The following SNX19 variants were observed in gnomAD, a reference collection of about 807,000 sequenced individuals.
The protein encoded by SNX19 is sorting nexin-19.
SNX19 carries 60 observed loss-of-function variants against 85.2 expected under a neutral mutation model. The observed-to-expected ratio is 0.70, with a 90% CI of 0.57 to 0.87. SNX19 has a LOEUF of 0.87. SNX19 is among the 40% of genes least tolerant of loss of function. The pLI is 0.00. For synonymous variants in SNX19, 520 were observed against 470.0 expected (o/e 1.11, Z -1.38); for missense variants, 1,201 against 1,217.8 (o/e 0.99, Z 0.21).
At chr11:130,891,997 T>A (rs1265592295) in intron 8 of SNX19, among the ~76,000 whole-genome samples, 2 of 151,776 alleles carry the variant, frequency 1.3e-5, no homozygotes, top group East Asian at 3.9e-4. Flanking sequence ...TGCGCCACGA[T>A]GCCCGGCAAA....
At position 130,910,095 on chromosome 11, in the gene SNX19, G is replaced by A; in HGVS notation, c.1957C>T (p.Gln653Ter). ...IPEIANSEEV[Q>*]EFLALNTDAR... ...TCTGTGTTCAGAGCAAGGAACTCCT[G>A]CACCTCCTCACTGTTAGCGATCTCC... The change falls in exon 4 of 11, where the codon CAG (glutamine) becomes TAG (stop). Residue 653 changes from glutamine to a stop codon, truncating the protein, a stop_gained. Coordinates refer to ENST00000265909, the MANE Select transcript of SNX19 (RefSeq NM_014758.3). LOFTEE classifies it high-confidence loss of function. The A allele has an allele frequency of 3.1e-6, 5 of 1,614,108 alleles. No individual in the cohort carries two copies. The highest frequency in any genetic ancestry group is 4.2e-6 in the Non-Finnish European group (5 of 1,180,006).
In SNX19 at chr11:130,872,938, G is replaced by C. The variant is rs969918519; in HGVS notation, c.*5484C>G. Among the ~76,000 whole-genome samples the C allele has an allele frequency of 6.6e-6, 1 of 152,178 alleles. No homozygotes were observed. Among genetic ancestry groups the C allele is most frequent in the Non-Finnish European group, 1.5e-5 (1 of 68,016 alleles). On this transcript the variant is annotated 3_prime_UTR_variant, in exon 11 of 11. Coordinates refer to ENST00000265909, the MANE Select transcript of SNX19 (RefSeq NM_014758.3). ...GAGGGGGCTGTGGGAGGTACGGCTT[G>C]CCAGGACAACTTGGCTGAATGGGTT...
chr11:130,905,638 G>A, intron 7 of SNX19: 2 of 1,459,786 alleles, frequency 1.4e-6, no homozygotes, highest in Non-Finnish European at 1.8e-6. Context: ...AAGTTTCTAA[G>A]AAATGCAAGA....
At position 130,873,435 on chromosome 11, in the gene SNX19, T is replaced by G. The variant is rs145703219; in HGVS notation, c.*4987A>C. On this transcript the variant is annotated 3_prime_UTR_variant, in exon 11 of 11. Coordinates refer to ENST00000265909, the MANE Select transcript of SNX19 (RefSeq NM_014758.3). ...AGTGAGAACCTGATCTTGTTCTGCT[T>G]TGTAAGGTAGAAGGGCAGTTTAGTA... Among the ~76,000 whole-genome samples, 782 of 152,276 alleles carry G rather than the reference T, an allele frequency of 5.1e-3. 3 individuals carry two copies. Among genetic ancestry groups the G allele is most frequent in the Middle Eastern group, 0.014 (4 of 294 alleles).
chr11:130,891,605 T>TTGA (rs771273112), intron 8 of SNX19, among the ~76,000 whole-genome samples: 15 of 152,236 alleles, frequency 9.9e-5, no homozygotes, highest in Non-Finnish European at 2.1e-4. Flanking sequence ...CAGCATTGAA[T>TTGA]TGATTCCAAC....
intron 8 of SNX19, chr11:130,893,764 C>T (rs1944670055): frequency 2.8e-6 from 2 of 701,774 alleles, no homozygotes; most frequent in Admixed American, 4.0e-5. Context: ...AGGAACTTAC[C>T]TTGATGCTGC....
chr11:130,895,927 C>T (rs1944847757), intron 8 of SNX19, among the ~76,000 whole-genome samples: 1 of 152,214 alleles, frequency 6.6e-6, no homozygotes, highest in Admixed American at 6.5e-5. Flanking sequence ...TAGGGCCCAT[C>T]CTGGCCCAGT....
chr11:130,891,107 G>A (rs1260807312), intron 8 of SNX19, among the ~76,000 whole-genome samples: 1 of 152,054 alleles, frequency 6.6e-6, no homozygotes, highest in East Asian at 1.9e-4. Context: ...GCTTACAGAG[G>A]AAGACAATTA....
At chr11:130,887,141 C>G (rs1371813419) in intron 8 of SNX19, among the ~76,000 whole-genome samples, 1 of 152,168 alleles carries the variant, frequency 6.6e-6, no homozygotes, top group Admixed American at 6.5e-5. Flanking sequence ...CTCCTAAATA[C>G]CACAATATAA....
rs1158610159 is a variant in SNX19 at position 130,875,806 on chromosome 11, C to G, written c.*2616G>C. On this transcript the variant is annotated 3_prime_UTR_variant, in exon 11 of 11. Transcript: ENST00000265909. The stretch of plus-strand genomic sequence containing the variant: ...CATGTATACATATGCAACAAACCTG[C>G]ATGTTGTGCACATGTTCCCTAGAAC... 2.6e-5 allele frequency: 4 copies of G among 152,048 alleles called. No homozygotes were observed. The highest frequency in any genetic ancestry group is 5.9e-5 in the Non-Finnish European group (4 of 68,004). The allele number at this position is 152,048 out of a possible 1,614,324, so 9.4% of individuals were successfully genotyped here.
intron 8 of SNX19, chr11:130,893,078 C>T (rs1385505239): frequency 1.3e-5 from 2 of 152,170 alleles, no homozygotes; most frequent in African/African-American, 2.4e-5. Flanking sequence ...TCTTGACGAC[C>T]AGAGTCCCTA....
rs533528199 is a variant in SNX19, at chr11:130,870,233, T to C, written c.*8189A>G. ...TCAATACAAGCTCTTGCCTCAGTCC[T>C]CTCCAGATTGCTAAAAGGAGGTGTA... On this transcript the variant is annotated 3_prime_UTR_variant, in exon 11 of 11. Transcript: ENST00000265909. The C allele has an allele frequency of 3.3e-5, 5 of 152,320 alleles. No homozygotes were observed. The highest frequency in any genetic ancestry group is 3.3e-4 in the Admixed American group (5 of 15,302). 9.4% of individuals were successfully genotyped at this position (152,320 alleles called of 1,614,324 possible). A position where few individuals can be genotyped will look rare whatever the true frequency, so the allele number is the denominator to read the frequency against.
intron 8 of SNX19, among the ~76,000 whole-genome samples, chr11:130,885,361 A>G (rs1943983989): frequency 1.3e-5 from 2 of 152,246 alleles, no homozygotes; most frequent in Non-Finnish European, 2.9e-5. Flanking sequence ...AGGGGAATGA[A>G]GCAATGACTA....
At position 130,898,213 on chromosome 11, in the gene SNX19, G is replaced by A. The variant is rs531981830; in HGVS notation, c.2573+5042C>T. 3.1e-4 allele frequency among the ~76,000 whole-genome samples: 47 copies of A among 151,622 alleles called. 1 individual carries two copies. Among genetic ancestry groups the A allele is most frequent in the South Asian group, 4.2e-4 (2 of 4,814 alleles). ...TTATAATTTGACAGAAGTCTATGGC[G>A]TCCAAGGCAGTAATGTACACAGGTC... On this transcript the variant is annotated intron_variant, in intron 8 of 10. Coordinates refer to ENST00000265909, the MANE Select transcript of SNX19 (RefSeq NM_014758.3).
chr11:130,912,902 T>C (rs1250960071), intron 1 of SNX19, among the ~76,000 whole-genome samples: 3 of 152,208 alleles, frequency 2.0e-5, no homozygotes, highest in Non-Finnish European at 4.4e-5. Context: ...TCAGAAAGTA[T>C]AATAATATTG....
chr11:130,906,166 A>C (rs1474155538), intron 6 of SNX19, 33 bp from the exon 7 acceptor site: 2 of 1,601,328 alleles, frequency 1.2e-6, no homozygotes, highest in Non-Finnish European at 1.7e-6. Context: ...TCACATATGG[A>C]ATGCTGACAG....
In SNX19 at chr11:130,871,808, T is replaced by TG. The variant is rs1943039136; in HGVS notation, c.*6613dup. 6.6e-6 allele frequency among the ~76,000 whole-genome samples: 1 copy of TG among 152,066 alleles called. No homozygotes were observed. Among genetic ancestry groups the TG allele is most frequent in the Non-Finnish European group, 1.5e-5 (1 of 67,988 alleles). On this transcript the variant is annotated 3_prime_UTR_variant, in exon 11 of 11. Transcript: ENST00000265909. The stretch of plus-strand genomic sequence containing the variant: ...TGCAGCAGTAACATGGAACATAAGG[T>TG]GGGAAAAAAGACAAAAGTGTGGATG...
At chr11:130,912,009 T>C (rs949404491) in intron 1 of SNX19, among the ~76,000 whole-genome samples, 4 of 151,826 alleles carry the variant, frequency 2.6e-5, no homozygotes, top group African/African-American at 9.6e-5. Context: ...TCCCAGATAC[T>C]TTCTTGACTT....
At chr11:130,907,879 G>A (rs1187921499) in intron 5 of SNX19, 74 bp downstream of exon 5, 2 of 1,588,204 alleles carry the variant, frequency 1.3e-6, no homozygotes, top group African/African-American at 1.3e-5. Flanking sequence ...TGAGAATAGG[G>A]TGAGTGTTGG....
Sources: gnomAD v4.1 joint callset for allele counts (sites outside exome capture counted in the v4.1 genomes callset) on GRCh38, gnomAD v4.1.1 for gene constraint, MANE v1.5 for transcripts, NCBI Gene and HGNC (gene_info 2026-07-23, HGNC 2026-07-21) for gene names.